The following ELP5 variants were observed in gnomAD, a reference collection of about 807,000 sequenced individuals.
ELP5 encodes elongator complex protein 5.
A neutral mutation model predicts 33.4 loss-of-function variants in ELP5; 34 were observed. The ratio of observed to expected loss-of-function variants is 1.02; its 90% CI spans 0.78 to 1.36. ELP5 has a LOEUF of 1.36. ELP5 is among the 40% of genes most tolerant of loss of function. The pLI is 0.00. For missense variants in ELP5, 373 were observed against 371.7 expected (o/e 1.00, Z -0.03); for synonymous variants, 161 against 146.4 (o/e 1.10, Z -0.72).
intron 3 of ELP5, among the ~76,000 whole-genome samples, chr17:7,253,721 C>T (rs1034612078): frequency 2.6e-5 from 4 of 152,166 alleles, no homozygotes; most frequent in Admixed American, 2.6e-4. Flanking sequence ...CATGGCTGGG[C>T]GCGGTGGCTC....
chr17:7,252,685 C>T (rs1035880191), intron 1 of ELP5, 85 bp from the exon 2 acceptor site: 4 of 1,607,464 alleles, frequency 2.5e-6, no homozygotes, highest in Admixed American at 3.4e-5. Flanking sequence ...CCAGGGGTCA[C>T]AGGCTAGGTG....
Position 7,259,667 on chromosome 17 carries a change from TGAC to T in ELP5, c.889_891del (p.Asp297del). The T allele has an allele frequency of 6.2e-7, 1 of 1,614,228 alleles. No individual in the cohort carries two copies. The highest frequency in any genetic ancestry group is 8.5e-7 in the Non-Finnish European group (1 of 1,180,030). On this transcript the variant is annotated inframe_deletion, in exon 8 of 8. Coordinates refer to ENST00000396628, the MANE Select transcript of ELP5 (RefSeq NM_203414.3). ...ATGACCTGGACCAAGAAGACCCAGA[TGAC>T]GACCTGGATATTTGACTGGCCAGAT...
intron 5 of ELP5, 28 bp downstream of exon 5, chr17:7,257,066 G>T: frequency 2.0e-6 from 3 of 1,520,216 alleles, no homozygotes; most frequent in Middle Eastern, 2.1e-4. Context: ...AGAAGGACTG[G>T]AAACGGGGGA....
At chr17:7,259,337 G>A in intron 7 of ELP5, 1 of 1,399,936 alleles carries the variant, frequency 7.1e-7, no homozygotes, top group Non-Finnish European at 9.3e-7. Flanking sequence ...CAAGATCCTT[G>A]CCCTCAAGCT....
In ELP5 at chr17:7,252,467, G is replaced by C. The variant is rs559648298; in HGVS notation, c.-84G>C. 102 of 1,603,254 alleles carry C rather than the reference G, an allele frequency of 6.4e-5. 1 individual carries two copies. In the South Asian group the frequency reaches 1.0e-3, roughly 16 times the overall value. Reference sequence around the variant, plus strand: ...ATGGTGGGAGGACGCCCGAGTGCTCGGCCCGTTTCACCCCGAGGAGGAAGG... The same window carrying C: ...ATGGTGGGAGGACGCCCGAGTGCTCCGCCCGTTTCACCCCGAGGAGGAAGG... On this transcript the variant is annotated 5_prime_UTR_variant, in exon 1 of 8. Coordinates refer to ENST00000396628, the MANE Select transcript of ELP5 (RefSeq NM_203414.3).
At chr17:7,252,202 GGA>G (rs1018972090), upstream of ELP5, 13 of 414,870 alleles carry the variant, frequency 3.1e-5, no homozygotes, top group African/African-American at 1.9e-4. Flanking sequence ...GCGTGGGCGG[GGA>G]GAGTGACGTC....
At chr17:7,254,874 T>G in intron 4 of ELP5, 71 bp downstream of exon 4, 2 of 1,346,464 alleles carry the variant, frequency 1.5e-6, no homozygotes, top group Non-Finnish European at 2.1e-6. Flanking sequence ...TTTTCCTTTC[T>G]ACCCTAGAAT....
chr17:7,253,733 C>T (rs1438316316), intron 3 of ELP5, among the ~76,000 whole-genome samples: 1 of 152,180 alleles, frequency 6.6e-6, no homozygotes, highest in Admixed American at 6.5e-5. Flanking sequence ...CGGTGGCTCA[C>T]GCCTGTAATC....
chr17:7,259,772 T>C lies in ELP5; in HGVS notation c.*87T>C, dbSNP rs937613304. The C allele has an allele frequency of 2.1e-5, 33 of 1,551,400 alleles. No individual in the cohort carries two copies. The South Asian group carries it at 3.8e-4, about 18-fold the overall frequency. ...ATCTTTCTATTGTTTGTGTTAGCCT[T>C]ACCCTGTCCCTGCCCCACCTTGGTT... On this transcript the variant is annotated 3_prime_UTR_variant, in exon 8 of 8. Transcript: ENST00000396628.
rs574178845 is a variant in ELP5, at chr17:7,253,423, C to T, written c.188+425C>T. ...ATAGAGGCCTGGTTTAAGGCAGTGG[C>T]AGTAGAGATGGAAAGTTTAGAACAC... On this transcript the variant is annotated intron_variant, in intron 3 of 7. Coordinates refer to ENST00000396628, the MANE Select transcript of ELP5 (RefSeq NM_203414.3). 2.6e-5 allele frequency among the ~76,000 whole-genome samples: 4 copies of T among 152,154 alleles called. No individual in the cohort carries two copies. In the East Asian group the frequency reaches 5.8e-4, roughly 22 times the overall value.
upstream of ELP5, chr17:7,252,050 G>C (rs1369168771): frequency 4.7e-6 from 1 of 213,402 alleles, no homozygotes; most frequent in African/African-American, 2.4e-5. Flanking sequence ...TCGCTTCACC[G>C]GGACTAAGTT....
intron 5 of ELP5, 108 bp from the exon 6 acceptor site, chr17:7,258,479 CT>C (rs2072128806): frequency 2.0e-6 from 2 of 1,024,288 alleles, no homozygotes; most frequent in Non-Finnish European, 2.9e-6. Context: ...AGGGCAGGAG[CT>C]GAAAGCAGTC....
rs1198011014 is a variant in ELP5, at chr17:7,254,801, C to T, written c.407C>T (p.Pro136Leu). 3 of 1,613,604 alleles carry T rather than the reference C, an allele frequency of 1.9e-6. No individual in the cohort carries two copies. The highest frequency in any genetic ancestry group is 2.2e-5 in the East Asian group (1 of 44,880). The change falls in exon 4 of 8, where the codon CCT becomes CTT. Residue 136 changes from proline (P) to leucine (L), a missense_variant and splice_region_variant. Pro to Leu is a moderately conservative substitution (Grantham distance 98). Coordinates refer to ENST00000396628, the MANE Select transcript of ELP5 (RefSeq NM_203414.3). ...LHAVSHQDSC[P>L]GDSSSVGKVS... ...GCTGTGAGCCATCAGGACTCTTGTC[C>T]TGGTGAGACCCCTCCTTCATTGTTT...
At chr17:7,258,320 G>A (rs985774834) in intron 5 of ELP5, among the ~76,000 whole-genome samples, 41 of 150,966 alleles carry the variant, frequency 2.7e-4, no homozygotes, top group Admixed American at 4.6e-4. Context: ...GTGGTAGCAC[G>A]TGCCTGTAAT....
chr17:7,252,399 A>G lies in ELP5; in HGVS notation c.-152A>G. On this transcript the variant is annotated 5_prime_UTR_variant, in exon 1 of 8. In the 5' UTR this introduces an upstream ATG that the reference lacks. Coordinates refer to ENST00000396628, the MANE Select transcript of ELP5 (RefSeq NM_203414.3). ...TCCGCGTGAGCGCCCCCCTGGGAAT[A>G]TTGAACATAATCACCTCTCATTCCA... The G allele has an allele frequency of 8.2e-7, 1 of 1,226,890 alleles. No homozygotes were observed. The highest frequency in any genetic ancestry group is 1.2e-6 in the Non-Finnish European group (1 of 857,944). 76.0% of individuals were successfully genotyped at this position (1,226,890 alleles called of 1,614,324 possible).
rs998342251 is a variant in ELP5 at position 7,258,572 on chromosome 17, T to G, written c.592-16T>G. ...TTCAGTAAGATGAAAAAAACTCTTT[T>G]CTTTTTTCTCTCCAGACTCAGTGGT... is the stretch of plus-strand genomic sequence containing the variant. On this transcript the variant is annotated splice_polypyrimidine_tract_variant and intron_variant, in intron 5 of 7. Transcript: ENST00000396628. 3 of 1,611,866 alleles carry G rather than the reference T, an allele frequency of 1.9e-6. No homozygotes were observed. The highest frequency in any genetic ancestry group is 2.5e-6 in the Non-Finnish European group (3 of 1,178,782).
At chr17:7,254,911 T>A in intron 4 of ELP5, 108 bp downstream of exon 4, 1 of 825,308 alleles carries the variant, frequency 1.2e-6, no homozygotes, top group Non-Finnish European at 1.8e-6. Context: ...CAGTCAGACC[T>A]TTTTTCATTT....
chr17:7,252,597 GT>G lies in ELP5; in HGVS notation c.46+2del, dbSNP rs2071967123. The G allele has an allele frequency of 1.2e-6, 2 of 1,612,242 alleles. No homozygotes were observed. Among genetic ancestry groups the G allele is most frequent in the Non-Finnish European group, 1.7e-6 (2 of 1,179,618 alleles). On this transcript the variant is annotated splice_donor_variant, in intron 1 of 7. Transcript: ENST00000396628. LOFTEE classifies it high-confidence loss of function. ...TTGGGCGGCCTGGTGCTGCTTCGGGGTGAGAGCCAGAGGCACGGTGGCGGGG... is the reference window on the plus strand; with the variant it reads ...TTGGGCGGCCTGGTGCTGCTTCGGGGGAGAGCCAGAGGCACGGTGGCGGGG...
rs748884770 is a variant in ELP5, at chr17:7,252,914, T to G, written c.108-4T>G. The G allele has an allele frequency of 6.2e-7, 1 of 1,614,044 alleles. No homozygotes were observed. The highest frequency in any genetic ancestry group is 1.3e-5 in the African/African-American group (1 of 74,910). On this transcript the variant is annotated splice_polypyrimidine_tract_variant and splice_region_variant and intron_variant, in intron 2 of 7. Transcript: ENST00000396628. ...TTGACAATCCCTTCTCATCTCTGCC[T>G]TAGTGGGGAGCAAGTGCATATCCTG...
Sources: gnomAD v4.1 joint callset for allele counts (sites outside exome capture counted in the v4.1 genomes callset) on GRCh38, gnomAD v4.1.1 for gene constraint, MANE v1.5 for transcripts, NCBI Gene and HGNC (gene_info 2026-07-23, HGNC 2026-07-21) for gene names.